ARHGAP39: variants seen among roughly 807,000 people sequenced by gnomAD.
ARHGAP39 encodes the protein rho GTPase-activating protein 39.
A neutral mutation model predicts 106.9 loss-of-function variants in ARHGAP39; 44 were observed. That is an observed-to-expected ratio of 0.41 (90% CI 0.32 to 0.53). The LOEUF (loss-of-function observed/expected upper bound fraction) is 0.53, where lower values mean the gene tolerates loss of function less well. Ranked by LOEUF, ARHGAP39 falls within the 20% of genes least tolerant of loss-of-function variation. The pLI is 0.21. For missense variants in ARHGAP39, 1,496 were observed against 1,577.3 expected (o/e 0.95, Z 0.87); for synonymous variants, 768 against 693.2 (o/e 1.11, Z -1.69).
In ARHGAP39 at chr8:144,547,882, C is replaced by CCACGTAGACCAGCTGCCG. The variant is rs1407469904; in HGVS notation, c.1186_1203dup (p.Arg396_Val401dup). ...AGCTTGGGGCTGGAGCCCGCCTGCT[C>CCACGTAGACCAGCTGCCG]CACGTAGACCAGCTGCCGCACGTAC... On this transcript the variant is annotated inframe_insertion, in exon 5 of 12. Coordinates refer to ENST00000377307, the MANE Select transcript of ARHGAP39 (RefSeq NM_025251.3). This position sits in a 1 kb window ranked among gnomAD's most constrained non-coding sequence, Gnocchi z 5.2. The CCACGTAGACCAGCTGCCG allele has an allele frequency of 1.9e-6, 3 of 1,583,772 alleles. No individual in the cohort carries two copies. Among genetic ancestry groups the CCACGTAGACCAGCTGCCG allele is most frequent in the Non-Finnish European group, 1.7e-6 (2 of 1,165,828 alleles).
intron 1 of ARHGAP39, among the ~76,000 whole-genome samples, chr8:144,676,575 G>C (rs899411991): frequency 2.0e-5 from 3 of 152,246 alleles, no homozygotes; most frequent in African/African-American, 4.8e-5. Flanking sequence ...CAAACCTTTA[G>C]CTAGACAGAA....
chr8:144,555,509 G>T, intron 4 of ARHGAP39, 51 bp downstream of exon 4: 2 of 1,518,288 alleles, frequency 1.3e-6, no homozygotes, highest in Non-Finnish European at 1.8e-6. Flanking sequence ...CTGGCTCACT[G>T]AGGAAGCCGC....
chr8:144,610,436 G>T (rs1239338429), intron 1 of ARHGAP39, among the ~76,000 whole-genome samples: 1 of 152,214 alleles, frequency 6.6e-6, no homozygotes, highest in African/African-American at 2.4e-5. Context: ...TTAGGGCCGG[G>T]CGTGGTGGCC....
chr8:144,650,075 G>A (rs1278793554), intron 1 of ARHGAP39, among the ~76,000 whole-genome samples: 1 of 151,356 alleles, frequency 6.6e-6, no homozygotes, highest in Non-Finnish European at 1.5e-5. Flanking sequence ...CCCAGGAGGT[G>A]GAGGTTGCAG....
rs751834444 is a variant in ARHGAP39, at chr8:144,532,353, C to G, written c.2932G>C (p.Val978Leu). The G allele has an allele frequency of 6.2e-7, 1 of 1,612,962 alleles. No individual in the cohort carries two copies. Among genetic ancestry groups the G allele is most frequent in the East Asian group, 2.2e-5 (1 of 44,862 alleles). ...IDEVNALKLQ[V>L]DQWKVPTGLE... ...CCTGTGGGCACCTTCCACTGGTCCA[C>G]CTGCAGCTTCAGGGCATTCACCTCG... Residue 978 changes from valine (V) to leucine (L), a missense_variant, in exon 10 of 12, where the codon GTG becomes CTG. Physicochemically the swap from Val to Leu is conservative, Grantham distance 32 (BLOSUM62 1). This residue lies in a region of ARHGAP39 where 470 missense variants were observed against 605.1 expected (regional missense o/e 0.78). Coordinates refer to ENST00000377307, the MANE Select transcript of ARHGAP39 (RefSeq NM_025251.3).
rs138107992 is a variant in ARHGAP39, at chr8:144,534,147, G to A, written c.2670C>T (p.Ala890=). ...CCCGTACCTTCTTGGCCCCGGTCAG[G>A]GCTGCCTTCTGTAGCTTGTGGTAAC... ...KYCYHKLQKA[A]LTGAKKGLKK... Residue 890 remains alanine (A), a synonymous_variant, in exon 8 of 12, where the codon GCC becomes GCT. Transcript: ENST00000377307. 5.6e-6 allele frequency: 9 copies of A among 1,613,272 alleles called. No individual in the cohort carries two copies. The African/African-American group carries it at 1.1e-4, about 19-fold the overall frequency.
At chr8:144,634,990 A>G (rs111686573) in intron 1 of ARHGAP39, among the ~76,000 whole-genome samples, 20 of 152,398 alleles carry the variant, frequency 1.3e-4, no homozygotes, top group African/African-American at 4.3e-4. Flanking sequence ...CTAAGCTCAC[A>G]CATTCACTTC....
Position 144,645,063 on chromosome 8 carries a change from G to A in ARHGAP39, c.-81-39368C>T, listed in dbSNP as rs1216913861. Among the ~76,000 whole-genome samples, 3 of 152,206 alleles carry A rather than the reference G, an allele frequency of 2.0e-5. No homozygotes were observed. Among genetic ancestry groups the A allele is most frequent in the African/African-American group, 7.2e-5 (3 of 41,446 alleles). On this transcript the variant is annotated intron_variant, in intron 1 of 11. Transcript: ENST00000377307. This position sits in a 1 kb window ranked among gnomAD's most constrained non-coding sequence, Gnocchi z 4.4. ...TCAACCGCAGTCCCCGTGTTATCCA[G>A]GAGGAAGCGAAGAAAACACTGGGCA...
chr8:144,627,845 G>A (rs1217599320), intron 1 of ARHGAP39, among the ~76,000 whole-genome samples: 1 of 152,226 alleles, frequency 6.6e-6, no homozygotes, highest in Non-Finnish European at 1.5e-5. Context: ...CTGCACCCTG[G>A]ACCCCTTGCC....
upstream of ARHGAP39, among the ~76,000 whole-genome samples, chr8:144,690,811 ATTT>A (rs113293471): frequency 1.6e-3 from 183 of 116,300 alleles, 2 homozygotes; most frequent in Admixed American, 9.8e-4. Context: ...CACCCAGCTG[ATTT>A]TTTTTTTTTT....
At chr8:144,558,836 G>A (rs1818038669) in intron 3 of ARHGAP39, among the ~76,000 whole-genome samples, 1 of 152,018 alleles carries the variant, frequency 6.6e-6, no homozygotes, top group Non-Finnish European at 1.5e-5. Flanking sequence ...ACTTTGGGAG[G>A]CTGAGGTGGG....
intron 1 of ARHGAP39, among the ~76,000 whole-genome samples, chr8:144,663,959 G>C (rs976567216): frequency 6.6e-6 from 1 of 152,156 alleles, no homozygotes; most frequent in Non-Finnish European, 1.5e-5. Flanking sequence ...TTGAGGCCAG[G>C]AGTTCAAGAC....
chr8:144,619,574 G>A (rs1406893279), intron 1 of ARHGAP39, among the ~76,000 whole-genome samples: 2 of 151,958 alleles, frequency 1.3e-5, no homozygotes, highest in East Asian at 1.9e-4. Flanking sequence ...GTACCCGTGT[G>A]TGTGTGAGAC....
intron 3 of ARHGAP39, among the ~76,000 whole-genome samples, chr8:144,561,549 C>A (rs1277347838): frequency 1.4e-5 from 2 of 146,776 alleles, no homozygotes; most frequent in Non-Finnish European, 3.1e-5. Flanking sequence ...CCATCACACT[C>A]CAGTGGTTTC....
At chr8:144,687,352 G>A (rs1400054514), upstream of ARHGAP39, among the ~76,000 whole-genome samples, 2 of 14,768 alleles carry the variant, frequency 1.4e-4, no homozygotes, top group African/African-American at 3.5e-4. Flanking sequence ...ACCACGCACT[G>A]GCGGCGAGCA....
rs1027092824 is a variant in ARHGAP39 at position 144,644,867 on chromosome 8, T to C, written c.-81-39172A>G. On this transcript the variant is annotated intron_variant, in intron 1 of 11. Transcript: ENST00000377307. This position sits in a 1 kb window ranked among gnomAD's most constrained non-coding sequence, Gnocchi z 4.8. ...ACCTGAGCCCCTTCCTCAGGAGCTG[T>C]GCTGCCTCCTCAGAACTCAATTTCA... Among the ~76,000 whole-genome samples, 1 of 152,232 alleles carries C rather than the reference T, an allele frequency of 6.6e-6. No homozygotes were observed. Among genetic ancestry groups the C allele is most frequent in the Non-Finnish European group, 1.5e-5 (1 of 68,042 alleles).
In ARHGAP39 at chr8:144,659,157, G is replaced by A. The variant is rs117558935; in HGVS notation, c.-82+26529C>T. Among the ~76,000 whole-genome samples the A allele has an allele frequency of 4.6e-3, 706 of 152,162 alleles. 8 individuals are homozygous for A. The highest frequency in any genetic ancestry group is 4.6e-3 in the Non-Finnish European group (314 of 68,012). ...TCAGAGTCCACTTCCCAGGGAACTCGACACAAACAGCAATTAATAATATAC... is the reference window on the plus strand; with the variant it reads ...TCAGAGTCCACTTCCCAGGGAACTCAACACAAACAGCAATTAATAATATAC... On this transcript the variant is annotated intron_variant, in intron 1 of 11. Transcript: ENST00000377307.
chr8:144,573,180 A>G (rs1484654372), intron 3 of ARHGAP39, among the ~76,000 whole-genome samples: 1 of 152,254 alleles, frequency 6.6e-6, no homozygotes, highest in Admixed American at 6.5e-5. Flanking sequence ...ACTAGTCACA[A>G]TAGCAAAGAC....
At chr8:144,675,123 T>C (rs1448139417) in intron 1 of ARHGAP39, among the ~76,000 whole-genome samples, 1 of 152,160 alleles carries the variant, frequency 6.6e-6, no homozygotes, top group Non-Finnish European at 1.5e-5. Flanking sequence ...ACCAGCTCCA[T>C]GGACCATGCA....
Sources: allele counts gnomAD v4.1 joint callset (sites outside exome capture counted in the v4.1 genomes callset), GRCh38; gene constraint gnomAD v4.1.1; regional missense constraint gnomAD v4.1.1; non-coding constraint Gnocchi (gnomAD v3.1); transcripts MANE v1.5; gene names NCBI Gene and HGNC (gene_info 2026-07-23, HGNC 2026-07-21).